HS6ST2: variants seen among roughly 807,000 people sequenced by gnomAD.
HS6ST2 encodes heparan-sulfate 6-O-sulfotransferase 2.
Under a neutral mutation model 33.0 loss-of-function variants are expected in HS6ST2, and 17 were observed. The ratio of observed to expected loss-of-function variants is 0.52; its 90% CI spans 0.35 to 0.77. HS6ST2 has a LOEUF of 0.77. HS6ST2 is among the 30% of genes least tolerant of loss of function. HS6ST2 has a pLI of 0.01. For missense variants in HS6ST2, 519 were observed against 551.7 expected, an observed-to-expected ratio of 0.94 and a Z score of 0.59; for synonymous variants, 248 against 237.1, an observed-to-expected ratio of 1.05 and a Z score of -0.42.
intron 3 of HS6ST2, among the ~76,000 whole-genome samples, chrX:132,670,098 ATT>A (rs746354261): frequency 7.6e-5 from 8 of 104,648 alleles, no homozygotes; most frequent in Admixed American, 2.0e-4. Flanking sequence ...CATCAGGAAG[ATT>A]TTTTTTTTTT....
At chrX:132,904,583 G>C (rs147969795) in intron 2 of HS6ST2, among the ~76,000 whole-genome samples, 2 of 101,423 alleles carry the variant, frequency 2.0e-5, no homozygotes, top group Non-Finnish European at 4.0e-5. Flanking sequence ...TCTCACTCTC[G>C]CTCAGGCCGT....
At chrX:132,900,979 T>C (rs1291954609) in intron 2 of HS6ST2, among the ~76,000 whole-genome samples, 1 of 112,618 alleles carries the variant, frequency 8.9e-6, no homozygotes, top group East Asian at 2.8e-4. Context: ...TGAAAATAGA[T>C]GCTATGTGGC....
intron 2 of HS6ST2, among the ~76,000 whole-genome samples, chrX:132,837,332 C>CGTGTGT (rs10592129): frequency 6.8e-5 from 7 of 103,330 alleles, no homozygotes; most frequent in African/African-American, 1.1e-4. Flanking sequence ...ACAGTATAGC[C>CGTGTGT]GTGTGTGTGT....
At chrX:132,796,852 T>C (rs1391885671) in intron 2 of HS6ST2, among the ~76,000 whole-genome samples, 1 of 112,460 alleles carries the variant, frequency 8.9e-6, no homozygotes, top group Non-Finnish European at 1.9e-5. Context: ...CCCTATTTCA[T>C]CACTGGGGAG....
intron 2 of HS6ST2, among the ~76,000 whole-genome samples, chrX:132,829,590 T>G (rs971100739): frequency 9.0e-6 from 1 of 111,332 alleles, no homozygotes; most frequent in African/African-American, 3.3e-5. Flanking sequence ...ACTCAAGCCT[T>G]GCCCCTGCCA....
chrX:132,747,115 T>C (rs1196888344), intron 2 of HS6ST2, among the ~76,000 whole-genome samples: 2 of 111,020 alleles, frequency 1.8e-5, no homozygotes, highest in Non-Finnish European at 3.8e-5. Flanking sequence ...GACAGATGAG[T>C]CAACCATGAC....
intron 2 of HS6ST2, among the ~76,000 whole-genome samples, chrX:132,870,522 A>G (rs2066047419): frequency 1.8e-5 from 2 of 111,778 alleles, no homozygotes; most frequent in Admixed American, 9.5e-5. Flanking sequence ...AAACTATACT[A>G]TAAGGCTAGA....
intron 2 of HS6ST2, among the ~76,000 whole-genome samples, chrX:132,954,467 A>G (rs185939260): frequency 9.6e-4 from 106 of 110,626 alleles, no homozygotes; most frequent in Admixed American, 1.6e-3. Flanking sequence ...ACATACACAC[A>G]CTCTCTCATT....
At chrX:132,808,433 T>C (rs1348000682) in intron 2 of HS6ST2, among the ~76,000 whole-genome samples, 1 of 111,888 alleles carries the variant, frequency 8.9e-6, no homozygotes, top group African/African-American at 3.2e-5. Context: ...CCATGTGTCA[T>C]GGGAGGGCAT....
intron 3 of HS6ST2, among the ~76,000 whole-genome samples, chrX:132,693,907 C>T (rs189301781): frequency 4.5e-5 from 5 of 112,273 alleles, no homozygotes; most frequent in African/African-American, 1.6e-4. Context: ...AGCACCATGT[C>T]ACCCGTCAAT....
intron 1 of HS6ST2, among the ~76,000 whole-genome samples, chrX:132,957,546 C>T (rs1847023751): frequency 9.1e-6 from 1 of 110,050 alleles, no homozygotes; most frequent in Non-Finnish European, 1.9e-5. Context: ...ACACACACAC[C>T]CCCACCCCGA....
intron 2 of HS6ST2, among the ~76,000 whole-genome samples, chrX:132,877,192 C>A (rs1165222189): frequency 8.9e-6 from 1 of 111,858 alleles, no homozygotes; most frequent in Non-Finnish European, 1.9e-5. Context: ...ATCCAGGCAA[C>A]ATTTATTAAA....
chrX:132,942,889 C>G (rs775119975), intron 2 of HS6ST2, among the ~76,000 whole-genome samples: 2 of 111,605 alleles, frequency 1.8e-5, no homozygotes, highest in African/African-American at 3.3e-5. Flanking sequence ...GTGTATGTAC[C>G]AAAAATGCAG....
intron 2 of HS6ST2, among the ~76,000 whole-genome samples, chrX:132,753,115 C>A (rs1422539987): frequency 3.6e-5 from 4 of 111,460 alleles, no homozygotes; most frequent in Admixed American, 9.5e-5. Context: ...AGCATTATAA[C>A]CTTTCTTGGA....
rs573415546 is a variant in HS6ST2 at position 132,721,220 on chromosome X, T to A, written c.948-12726A>T. On this transcript the variant is annotated intron_variant, in intron 2 of 4. Transcript: ENST00000370833. ...AAAACATTTTAAAAGCCTGAAATAG[T>A]ATCAAGCATCTTTTCTGTCTGCAAT... Among the ~76,000 whole-genome samples, 76 of 112,314 alleles carry A rather than the reference T, an allele frequency of 6.8e-4. No homozygotes were observed. The South Asian group carries it at 0.027, about 40-fold the overall frequency.
intron 3 of HS6ST2, among the ~76,000 whole-genome samples, chrX:132,675,780 G>A (rs1049762745): frequency 1.8e-5 from 2 of 111,556 alleles, no homozygotes; most frequent in Admixed American, 9.5e-5. Flanking sequence ...CGGCCTAACC[G>A]AGTACTAGAA....
At position 132,628,250 on chromosome X, in the gene HS6ST2, G is replaced by A; in HGVS notation, c.1911C>T (p.Tyr637=). ...AACGCCATTTCTCTACACTGCCTAT[G>A]TAGTCGTTGGTGCCATTGCTGGTGT... The part of the protein sequence containing the change: ...NDNTSNGTND[Y]IGSVEKWR Residue 637 remains tyrosine (Y), a synonymous_variant, in exon 5 of 5, where the codon TAC becomes TAT. Transcript: ENST00000370833. The A allele has an allele frequency of 1.7e-6, 2 of 1,165,925 alleles. No homozygotes were observed. The highest frequency in any genetic ancestry group is 2.3e-6 in the Non-Finnish European group (2 of 871,573).
intron 2 of HS6ST2, among the ~76,000 whole-genome samples, chrX:132,956,049 G>A (rs1202262099): frequency 8.9e-6 from 1 of 112,026 alleles, no homozygotes; most frequent in Non-Finnish European, 1.9e-5. Context: ...AAAGAGCCAC[G>A]GATGCCTCTC....
At chrX:132,722,415 C>T (rs1483001114) in intron 2 of HS6ST2, among the ~76,000 whole-genome samples, 1 of 111,085 alleles carries the variant, frequency 9.0e-6, no homozygotes, top group African/African-American at 3.3e-5. Flanking sequence ...TAAAAGCTTT[C>T]AGGTATGCCA....
Sources: allele counts gnomAD v4.1 joint callset (sites outside exome capture counted in the v4.1 genomes callset), GRCh38; gene constraint gnomAD v4.1.1; transcripts MANE v1.5; gene names NCBI Gene and HGNC (gene_info 2026-07-23, HGNC 2026-07-21).